The following DLGAP4 variants were observed in gnomAD, a reference collection of about 807,000 sequenced individuals.
DLGAP4 encodes disks large-associated protein 4.
Under a neutral mutation model 86.9 loss-of-function variants are expected in DLGAP4, and 18 were observed. That is an observed-to-expected ratio of 0.21 (90% CI 0.14 to 0.31). DLGAP4 has a LOEUF of 0.31. Ranked by LOEUF, DLGAP4 falls within the 10% of genes least tolerant of loss-of-function variation. The pLI, the probability that DLGAP4 is intolerant of heterozygous loss-of-function variation, is 1.00. For synonymous variants in DLGAP4, 548 were observed against 574.3 expected (o/e 0.95, Z 0.65); for missense variants, 1,085 against 1,362.6 (o/e 0.80, Z 3.21).
At chr20:36,469,448 C>T (rs1319275573) in intron 7 of DLGAP4, among the ~76,000 whole-genome samples, 7 of 152,096 alleles carry the variant, frequency 4.6e-5, no homozygotes, top group East Asian at 1.9e-4. Context: ...CTCTGCAAAC[C>T]GAACTTCAAA....
intron 5 of DLGAP4, among the ~76,000 whole-genome samples, chr20:36,441,849 C>T (rs1385733586): frequency 6.6e-6 from 1 of 152,184 alleles, no homozygotes; most frequent in Non-Finnish European, 1.5e-5. Context: ...ATCCCATCTC[C>T]ACCCCCGCCT....
chr20:36,431,875 C>G lies in DLGAP4; in HGVS notation c.158C>G (p.Pro53Arg), dbSNP rs41283434. Reference protein sequence around the residue: ...EARFPGQNTLPGDGLFPLNNQ... With the variant: ...EARFPGQNTLRGDGLFPLNNQ... ...CGCTTCCCCGGGCAGAACACCCTGC[C>G]AGGAGATGGCCTCTTTCCCCTCAAC... Residue 53 changes from proline (P) to arginine (R), a missense_variant, in exon 3 of 13, where the codon CCA becomes CGA. Coordinates refer to ENST00000339266, the MANE Select transcript of DLGAP4 (RefSeq NM_001365621.2). This position sits in a 1 kb window ranked among gnomAD's most constrained non-coding sequence, Gnocchi z 5.1. The G allele has an allele frequency of 2.3e-4, 365 of 1,614,152 alleles. No individual in the cohort carries two copies. The highest frequency in any genetic ancestry group is 2.9e-4 in the Non-Finnish European group (342 of 1,180,006).
chr20:36,326,405 C>G (rs1339145428), intron 1 of DLGAP4, among the ~76,000 whole-genome samples: 3 of 151,872 alleles, frequency 2.0e-5, no homozygotes, highest in Non-Finnish European at 4.4e-5. Flanking sequence ...TGCAGTATGG[C>G]TTACAATCTA....
intron 1 of DLGAP4, among the ~76,000 whole-genome samples, chr20:36,319,867 G>A (rs2065147946): frequency 6.6e-6 from 1 of 152,030 alleles, no homozygotes; most frequent in South Asian, 2.1e-4. Flanking sequence ...CCCTGTTGGA[G>A]TTGCCTCCTT....
chr20:36,444,223 T>C (rs1441726446), intron 6 of DLGAP4, among the ~76,000 whole-genome samples: 1 of 152,260 alleles, frequency 6.6e-6, no homozygotes, highest in East Asian at 1.9e-4. Flanking sequence ...CTTTCTGTAA[T>C]GATGGAAATG....
intron 1 of DLGAP4, among the ~76,000 whole-genome samples, chr20:36,364,428 C>A (rs2030618105): frequency 6.6e-6 from 1 of 152,180 alleles, no homozygotes; most frequent in Non-Finnish European, 1.5e-5. Context: ...CCATACAACT[C>A]ACCCATTAAA....
intron 2 of DLGAP4, among the ~76,000 whole-genome samples, chr20:36,426,864 G>A (rs1323306972): frequency 2.6e-5 from 4 of 152,004 alleles, no homozygotes; most frequent in Non-Finnish European, 5.9e-5. Flanking sequence ...TTGGGGATGC[G>A]GTTTGCTTTT....
rs561351590 is a variant in DLGAP4 at position 36,514,093 on chromosome 20, G to A, written c.2513-10157G>A. Among the ~76,000 whole-genome samples, 6 of 152,196 alleles carry A rather than the reference G, an allele frequency of 3.9e-5. No individual in the cohort carries two copies. In the East Asian group the frequency reaches 1.2e-3, roughly 29 times the overall value. On this transcript the variant is annotated intron_variant, in intron 10 of 12. Transcript: ENST00000339266. ...CCCAGAGACATGAACACTTAGCGGTGGAAAGGGAGGAATAAACAGCAAGAT... is the reference window on the plus strand; with the variant it reads ...CCCAGAGACATGAACACTTAGCGGTAGAAAGGGAGGAATAAACAGCAAGAT...
chr20:36,437,103 A>G (rs2033308964), intron 4 of DLGAP4, among the ~76,000 whole-genome samples: 1 of 152,106 alleles, frequency 6.6e-6, no homozygotes, highest in Non-Finnish European at 1.5e-5. Context: ...ATCCAGGTGA[A>G]CTCACTACTA....
intron 2 of DLGAP4, among the ~76,000 whole-genome samples, chr20:36,383,565 T>C (rs1421747483): frequency 1.3e-5 from 2 of 151,628 alleles, no homozygotes; most frequent in African/African-American, 4.9e-5. Flanking sequence ...TGAAGATGGG[T>C]TTTCCTAGTC....
chr20:36,336,131 C>G (rs778527719), intron 1 of DLGAP4, among the ~76,000 whole-genome samples: 2 of 152,182 alleles, frequency 1.3e-5, no homozygotes, highest in African/African-American at 4.8e-5. Context: ...GGCACCTCCA[C>G]CACGAACTTC....
chr20:36,341,628 C>T (rs868952065), intron 1 of DLGAP4, among the ~76,000 whole-genome samples: 70 of 152,344 alleles, frequency 4.6e-4, no homozygotes, highest in African/African-American at 1.7e-3. Flanking sequence ...GCGGCTCCCG[C>T]GGGGAGGAGT....
Position 36,500,062 on chromosome 20 carries a change from G to A in DLGAP4, c.2100-137G>A, listed in dbSNP as rs1479084744. 1.4e-5 allele frequency: 15 copies of A among 1,061,706 alleles called. 1 individual carries two copies. Among genetic ancestry groups the A allele is most frequent in the South Asian group, 5.1e-5 (3 of 58,562 alleles). The allele number at this position is 1,061,706 out of a possible 1,614,324, so 65.8% of individuals were successfully genotyped here. On this transcript the variant is annotated intron_variant, in intron 9 of 12. Transcript: ENST00000339266. This position sits in a 1 kb window ranked among gnomAD's most constrained non-coding sequence, Gnocchi z 4.6. Reference sequence around the variant, plus strand: ...GAATGAGATGGGGGCTGTGGGACCCGCTTCAGGCGCATGGTGAGCAGATGA... The same window carrying A: ...GAATGAGATGGGGGCTGTGGGACCCACTTCAGGCGCATGGTGAGCAGATGA...
intron 6 of DLGAP4, among the ~76,000 whole-genome samples, chr20:36,443,724 C>T (rs2033514734): frequency 6.6e-6 from 1 of 152,136 alleles, no homozygotes; most frequent in South Asian, 2.1e-4. Flanking sequence ...ATACACATAC[C>T]AGCAGCGCTG....
At chr20:36,312,927 G>C (rs1444602836) in intron 1 of DLGAP4, among the ~76,000 whole-genome samples, 1 of 152,176 alleles carries the variant, frequency 6.6e-6, no homozygotes, top group Admixed American at 6.5e-5. Flanking sequence ...TGCTACTGCT[G>C]TGTGTCCCTA....
At chr20:36,384,242 C>T (rs2031514810) in intron 2 of DLGAP4, among the ~76,000 whole-genome samples, 1 of 152,022 alleles carries the variant, frequency 6.6e-6, no homozygotes, top group Non-Finnish European at 1.5e-5. Context: ...GAGATTTGGC[C>T]TGGTCCCGAC....
chr20:36,509,427 C>T (rs1237857936), intron 10 of DLGAP4, among the ~76,000 whole-genome samples: 3 of 151,898 alleles, frequency 2.0e-5, no homozygotes, highest in South Asian at 2.1e-4. Context: ...AAAAATTAGC[C>T]GGGCGTGGTG....
chr20:36,496,543 T>A (rs2035894118), intron 7 of DLGAP4, among the ~76,000 whole-genome samples, 162 bp from the exon 8 acceptor site: 1 of 152,180 alleles, frequency 6.6e-6, no homozygotes, highest in African/African-American at 2.4e-5. Context: ...GTCATTGCAG[T>A]CTTGACCCTC....
At chr20:36,319,162 A>G (rs1421402471) in intron 1 of DLGAP4, among the ~76,000 whole-genome samples, 2 of 151,782 alleles carry the variant, frequency 1.3e-5, no homozygotes, top group African/African-American at 4.8e-5. Context: ...AAAAAAAAAA[A>G]GAAAAACTGA....
Sources: gnomAD v4.1 joint callset for allele counts (sites outside exome capture counted in the v4.1 genomes callset) on GRCh38, gnomAD v4.1.1 for gene constraint, Gnocchi (gnomAD v3.1) non-coding constraint, MANE v1.5 for transcripts, NCBI Gene and HGNC (gene_info 2026-07-23, HGNC 2026-07-21) for gene names.